Variants in SMARCD2 observed in about 807,000 individuals in gnomAD.
SMARCD2 encodes SWI/SNF-related matrix-associated actin-dependent regulator of chromatin subfamily D member 2.
SMARCD2 carries 39 observed loss-of-function variants against 70.4 expected under a neutral mutation model. That is an observed-to-expected ratio of 0.55 (90% CI 0.43 to 0.72). SMARCD2 has a LOEUF of 0.72. Ranked by LOEUF, SMARCD2 falls within the 30% of genes least tolerant of loss-of-function variation. SMARCD2 has a pLI of 0.00. For missense variants in SMARCD2, 540 were observed against 713.4 expected, an observed-to-expected ratio of 0.76 and a Z score of 2.77; for synonymous variants, 249 against 279.4, an observed-to-expected ratio of 0.89 and a Z score of 1.08.
rs2040213314 is a variant in SMARCD2, at chr17:63,833,007, A to AC, written c.1543-17dup. 3.8e-6 allele frequency: 6 copies of AC among 1,587,412 alleles called. No individual in the cohort carries two copies. In the East Asian group the frequency reaches 1.4e-4, roughly 36 times the overall value. On this transcript the variant is annotated splice_polypyrimidine_tract_variant and intron_variant, in intron 12 of 12. Transcript: ENST00000448276. This position sits in a 1 kb window ranked among gnomAD's most constrained non-coding sequence, Gnocchi z 4.3. ...GCTGCTGCACCTGGAGAAGGGAGAAACCAAGTGGCTCAGGCCTTTGCTACT... is the reference window on the plus strand; with the variant it reads ...GCTGCTGCACCTGGAGAAGGGAGAAACCCAAGTGGCTCAGGCCTTTGCTACT...
At position 63,832,927 on chromosome 17, in the gene SMARCD2, T is replaced by C. The variant is rs74421455; in HGVS notation, c.*11A>G. 4,974 of 1,557,710 alleles carry C rather than the reference T, an allele frequency of 3.2e-3. 120 individuals are homozygous for C. The African/African-American group carries it at 0.059, about 19-fold the overall frequency. On this transcript the variant is annotated 3_prime_UTR_variant, in exon 13 of 13. Coordinates refer to ENST00000448276, the MANE Select transcript of SMARCD2 (RefSeq NM_001098426.2). ...CAGGCTCCAGGGCTGGGAAGAAAGA[T>C]CCCTGAGCAGTTAGGTCAGGCGAAT...
Position 63,834,869 on chromosome 17 carries a change from GA to G in SMARCD2, c.724-70del. On this transcript the variant is annotated intron_variant, in intron 5 of 12. Coordinates refer to ENST00000448276, the MANE Select transcript of SMARCD2 (RefSeq NM_001098426.2). This position sits in a 1 kb window ranked among gnomAD's most constrained non-coding sequence, Gnocchi z 5.6. ...AATCTCAAGCTATGCTAAATCCCAA[GA>G]AAGAGAAGCCCCATTTCAGCCCTGG... is the stretch of plus-strand genomic sequence containing the variant. 1 of 1,122,758 alleles carries G rather than the reference GA, an allele frequency of 8.9e-7. No homozygotes were observed. Among genetic ancestry groups the G allele is most frequent in the Admixed American group, 1.8e-5 (1 of 56,818 alleles). The allele number at this position is 1,122,758 out of a possible 1,614,324, so 69.5% of individuals were successfully genotyped here. A position where few individuals can be genotyped will look rare whatever the true frequency, so the allele number is the denominator to read the frequency against.
At chr17:63,840,847 C>T (rs532079309) in intron 1 of SMARCD2, among the ~76,000 whole-genome samples, 3 of 152,356 alleles carry the variant, frequency 2.0e-5, no homozygotes, top group East Asian at 1.9e-4. Flanking sequence ...CTCCTACTTC[C>T]GCACAGCTAG....
chr17:63,832,826 A>G lies in SMARCD2; in HGVS notation c.*112T>C. ...TTATAAGACTAAAGCTGGAGAGTAG[A>G]GGGTGACAGCAGACACTCCTCACCC... is the stretch of plus-strand genomic sequence containing the variant. On this transcript the variant is annotated 3_prime_UTR_variant, in exon 13 of 13. Coordinates refer to ENST00000448276, the MANE Select transcript of SMARCD2 (RefSeq NM_001098426.2). The G allele has an allele frequency of 1.2e-6, 1 of 833,462 alleles. No individual in the cohort carries two copies. The highest frequency in any genetic ancestry group is 2.0e-6 in the Non-Finnish European group (1 of 496,122). 51.6% of individuals were successfully genotyped at this position (833,462 alleles called of 1,614,324 possible).
intron 1 of SMARCD2, among the ~76,000 whole-genome samples, chr17:63,840,461 C>T (rs1325471017): frequency 2.0e-5 from 3 of 151,906 alleles, no homozygotes; most frequent in Non-Finnish European, 2.9e-5. Context: ...GGTGTGAGCC[C>T]ACCATATCCT....
At chr17:63,842,356 C>G (rs1598361804) in intron 1 of SMARCD2, 103 bp downstream of exon 1, 1 of 1,202,364 alleles carries the variant, frequency 8.3e-7, no homozygotes, top group African/African-American at 1.6e-5. Context: ...CCCGGAGTTC[C>G]TCATGCATTC....
At chr17:63,841,637 A>G (rs1231744043) in intron 1 of SMARCD2, among the ~76,000 whole-genome samples, 1 of 152,250 alleles carries the variant, frequency 6.6e-6, no homozygotes, top group Non-Finnish European at 1.5e-5. Context: ...TGAAGCTGCA[A>G]TCTGAGCAGC....
Position 63,836,830 on chromosome 17 carries a change from G to A in SMARCD2, c.567+92C>T, listed in dbSNP as rs555334124. 3.3e-5 allele frequency: 43 copies of A among 1,311,982 alleles called. No homozygotes were observed. In the East Asian group the frequency reaches 4.9e-4, roughly 15 times the overall value. The allele number at this position is 1,311,982 out of a possible 1,614,324, so 81.3% of individuals were successfully genotyped here. A position where few individuals can be genotyped will look rare whatever the true frequency, so the allele number is the denominator to read the frequency against. Reference sequence around the variant, plus strand: ...GCTGCATCCTGCATGTGAAAAACCCGGCTCTAGCCCAACTTGCTTGGCCCC... The same window carrying A: ...GCTGCATCCTGCATGTGAAAAACCCAGCTCTAGCCCAACTTGCTTGGCCCC... On this transcript the variant is annotated intron_variant, in intron 4 of 12. Transcript: ENST00000448276.
intron 1 of SMARCD2, among the ~76,000 whole-genome samples, chr17:63,839,543 T>C (rs189145224): frequency 5.4e-4 from 79 of 146,596 alleles, no homozygotes; most frequent in South Asian, 1.1e-3. Flanking sequence ...ATAGGGCTTA[T>C]AGGCGCTAGC....
At position 63,833,510 on chromosome 17, in the gene SMARCD2, A is replaced by C; in HGVS notation, c.1317+77T>G. The stretch of plus-strand genomic sequence containing the variant: ...TCCCATCCCGTCCTCCAGGTGCTAC[A>C]TGTATGGAAATGCTGGACAGAGCCA... On this transcript the variant is annotated intron_variant, in intron 10 of 12. Transcript: ENST00000448276. This position sits in a 1 kb window ranked among gnomAD's most constrained non-coding sequence, Gnocchi z 4.3. The C allele has an allele frequency of 6.2e-7, 1 of 1,610,474 alleles. No individual in the cohort carries two copies.
intron 5 of SMARCD2, chr17:63,835,046 C>T (rs771225669): frequency 3.6e-6 from 2 of 558,470 alleles, no homozygotes; most frequent in Non-Finnish European, 3.2e-6. Flanking sequence ...AATAACCACA[C>T]AAATCAACCT....
chr17:63,842,516 G>C lies in SMARCD2; in HGVS notation c.159C>G (p.Gly53=). The change falls in exon 1 of 13, where the codon GGC becomes GGG. Residue 53 remains glycine (G), a synonymous_variant. Coordinates refer to ENST00000448276, the MANE Select transcript of SMARCD2 (RefSeq NM_001098426.2). The stretch of plus-strand genomic sequence containing the variant: ...TGGGGCGGAAGGCGGCGGCCCCGGG[G>C]CCCCCCACGCCTCCTGCCGGACCCG... ...RGPGPAGGVG[G]PGAAAFRPMG... 2 of 1,224,522 alleles carry C rather than the reference G, an allele frequency of 1.6e-6. No individual in the cohort carries two copies. The highest frequency in any genetic ancestry group is 4.4e-5 in the Admixed American group (1 of 22,880). The allele number at this position is 1,224,522 out of a possible 1,614,324, so 75.9% of individuals were successfully genotyped here. A position where few individuals can be genotyped will look rare whatever the true frequency, so the allele number is the denominator to read the frequency against.
Position 63,837,618 on chromosome 17 carries a change from C to T in SMARCD2, c.224G>A (p.Gly75Asp). The change falls in exon 2 of 13, where the codon GGC becomes GAC. Residue 75 changes from glycine to aspartate, a missense_variant. By Grantham distance (94) the Gly-to-Asp change is moderately conservative (BLOSUM62 -1). Coordinates refer to ENST00000448276, the MANE Select transcript of SMARCD2 (RefSeq NM_001098426.2). This position sits in a 1 kb window ranked among gnomAD's most constrained non-coding sequence, Gnocchi z 6.4. Reference sequence around the variant, plus strand: ...GGGCATCCGGTTCCCTGGTGACATGCCAGGTCGCTGGGGGAAGTGAGCCAA... The same window carrying T: ...GGGCATCCGGTTCCCTGGTGACATGTCAGGTCGCTGGGGGAAGTGAGCCAA... Reference protein sequence around the residue: ...AGPAAQYQRPGMSPGNRMPMA... With the variant: ...AGPAAQYQRPDMSPGNRMPMA... The T allele has an allele frequency of 1.9e-6, 3 of 1,612,512 alleles. No homozygotes were observed. Among genetic ancestry groups the T allele is most frequent in the Non-Finnish European group, 2.5e-6 (3 of 1,179,414 alleles).
Position 63,832,292 on chromosome 17 carries a change from G to T in SMARCD2, c.*646C>A, listed in dbSNP as rs538421618. The T allele has an allele frequency of 2.2e-5, 8 of 365,146 alleles. No individual in the cohort carries two copies. Among genetic ancestry groups the T allele is most frequent in the Non-Finnish European group, 3.5e-5 (7 of 198,614 alleles). 22.6% of individuals were successfully genotyped at this position (365,146 alleles called of 1,614,324 possible). A position where few individuals can be genotyped will look rare whatever the true frequency, so the allele number is the denominator to read the frequency against. On this transcript the variant is annotated 3_prime_UTR_variant, in exon 13 of 13. Transcript: ENST00000448276. ...GTCCCCTCCCCGGCCCAAGCCGCTG[G>T]AGAGGCAGCCCTCTGGCATCCCAGG...
At chr17:63,838,679 C>T in intron 1 of SMARCD2, 1 of 1,428,128 alleles carries the variant, frequency 7.0e-7, no homozygotes, top group Non-Finnish European at 9.2e-7. Flanking sequence ...CCCGCCTCCC[C>T]ATGGCTGCTG....
intron 1 of SMARCD2, chr17:63,838,802 G>A (rs1211182055): frequency 4.4e-5 from 56 of 1,269,222 alleles, no homozygotes; most frequent in Non-Finnish European, 5.6e-5. Context: ...ACCAAGCCCG[G>A]CAGGGTGGAG....
chr17:63,835,370 A>T, intron 5 of SMARCD2, 42 bp downstream of exon 5: 1 of 1,592,672 alleles, frequency 6.3e-7, no homozygotes, highest in African/African-American at 1.3e-5. Context: ...TCTTAAACCC[A>T]CACAGGCCTC....
At chr17:63,841,460 G>A (rs1643530127) in intron 1 of SMARCD2, among the ~76,000 whole-genome samples, 1 of 152,254 alleles carries the variant, frequency 6.6e-6, no homozygotes, top group African/African-American at 2.4e-5. Context: ...TTCGGACGTG[G>A]TGGAGTTAGA....
chr17:63,832,111 C>G lies in SMARCD2; in HGVS notation c.*827G>C, dbSNP rs1415923432. ...GACAAAAGGATTTATTTGGAAATTT[C>G]CAAACCTGCCAGATGTGGCACTCGC... On this transcript the variant is annotated 3_prime_UTR_variant, in exon 13 of 13. Transcript: ENST00000448276. 1 of 905,348 alleles carries G rather than the reference C, an allele frequency of 1.1e-6. No homozygotes were observed. Among genetic ancestry groups the G allele is most frequent in the Non-Finnish European group, 1.7e-6 (1 of 586,114 alleles). The allele number at this position is 905,348 out of a possible 1,614,324, so 56.1% of individuals were successfully genotyped here. A position where few individuals can be genotyped will look rare whatever the true frequency, so the allele number is the denominator to read the frequency against.
Sources: gnomAD v4.1 joint callset for allele counts (sites outside exome capture counted in the v4.1 genomes callset) on GRCh38, gnomAD v4.1.1 for gene constraint, Gnocchi (gnomAD v3.1) non-coding constraint, MANE v1.5 for transcripts, NCBI Gene and HGNC (gene_info 2026-07-23, HGNC 2026-07-21) for gene names.